ZNF559: variants seen among roughly 807,000 people sequenced by gnomAD.
The protein encoded by ZNF559 is putative protein product of Nbla00121.
ZNF559 carries 17 observed loss-of-function variants against 14.2 expected under a neutral mutation model. The ratio of observed to expected loss-of-function variants is 1.20; its 90% CI spans 0.82 to 1.80. ZNF559 has a LOEUF of 1.80. Ranked by LOEUF, ZNF559 falls within the 40% of genes most tolerant of loss-of-function variation. ZNF559 has a pLI of 0.00. For synonymous variants in ZNF559, 244 were observed against 212.4 expected (o/e 1.15, Z -1.29); for missense variants, 740 against 629.7 (o/e 1.18, Z -1.88).
intron 2 of ZNF559, among the ~76,000 whole-genome samples, chr19:9,326,368 G>A (rs1325729017): frequency 6.6e-6 from 1 of 152,098 alleles, no homozygotes; most frequent in African/African-American, 2.4e-5. Flanking sequence ...GCCTCCCAAA[G>A]TACTGCGTGA....
Position 9,338,479 on chromosome 19 carries a change from TTTC to T in ZNF559, c.-56-6_-56-4del, listed in dbSNP as rs750095375. The T allele has an allele frequency of 2.4e-5, 38 of 1,605,076 alleles. No individual in the cohort carries two copies. The highest frequency in any genetic ancestry group is 1.4e-4 in the South Asian group (13 of 90,720). On this transcript the variant is annotated splice_polypyrimidine_tract_variant and intron_variant, in intron 3 of 6. Coordinates refer to ENST00000603380, the MANE Select transcript of ZNF559 (RefSeq NM_032497.3). Reference sequence around the variant, plus strand: ...CAGCAGCCTGGATTCTCAGATTTTATTTCTTCTTCTTAAGATCATCTTTCTCAA... The same window carrying T: ...CAGCAGCCTGGATTCTCAGATTTTATTTCTTCTTAAGATCATCTTTCTCAA...
In ZNF559 at chr19:9,342,829, A is replaced by G. The variant is rs1487378457; in HGVS notation, c.1378A>G (p.Thr460Ala). 1.3e-5 allele frequency: 21 copies of G among 1,613,934 alleles called. No individual in the cohort carries two copies. Among genetic ancestry groups the G allele is most frequent in the African/African-American group, 2.7e-5 (2 of 74,886 alleles). The stretch of plus-strand genomic sequence containing the variant: ...CCTTAGTCAACATAAAAGAATACAT[A>G]CAGGGGAGAGGCCATATAAATGTCA... ...SHLSQHKRIH[T>A]GERPYKCQKC... The change falls in exon 7 of 7, where the codon ACA (threonine) becomes GCA (alanine). Residue 460 changes from threonine to alanine, a missense_variant. Physicochemically the swap from Thr to Ala is moderately conservative, Grantham distance 58. Coordinates refer to ENST00000603380, the MANE Select transcript of ZNF559 (RefSeq NM_032497.3).
chr19:9,333,746 A>G (rs2067067776), intron 2 of ZNF559, among the ~76,000 whole-genome samples: 1 of 98,488 alleles, frequency 1.0e-5, no homozygotes. Flanking sequence ...TACGTATGTA[A>G]CTGACAAAAA....
At chr19:9,324,570 G>T in intron 1 of ZNF559, 125 bp from the exon 2 acceptor site, 3 of 1,168,522 alleles carry the variant, frequency 2.6e-6, no homozygotes, top group Non-Finnish European at 3.5e-6. Flanking sequence ...TGGGTAGGAG[G>T]ATTACTTGAG....
In ZNF559 at chr19:9,343,606, A is replaced by G. The variant is rs1191920926; in HGVS notation, c.*538A>G. ...TGTTTTTAGCTTCCACTTTGGGAACATGTCAAAGCACACATTGAGAAGTCC... is the reference window on the plus strand; with the variant it reads ...TGTTTTTAGCTTCCACTTTGGGAACGTGTCAAAGCACACATTGAGAAGTCC... On this transcript the variant is annotated 3_prime_UTR_variant, in exon 7 of 7. Transcript: ENST00000603380. The G allele has an allele frequency of 6.1e-6, 6 of 991,154 alleles. No individual in the cohort carries two copies. In the South Asian group the frequency reaches 1.4e-4, roughly 23 times the overall value. 61.4% of individuals were successfully genotyped at this position (991,154 alleles called of 1,614,324 possible).
Position 9,324,627 on chromosome 19 carries a change from C to A in ZNF559, c.-205-68C>A, listed in dbSNP as rs925249584. 4.3e-5 allele frequency: 45 copies of A among 1,053,562 alleles called. No individual in the cohort carries two copies. The Admixed American group carries it at 5.6e-4, about 13-fold the overall frequency. 65.3% of individuals were successfully genotyped at this position (1,053,562 alleles called of 1,614,324 possible). A position where few individuals can be genotyped will look rare whatever the true frequency, so the allele number is the denominator to read the frequency against. On this transcript the variant is annotated intron_variant, in intron 1 of 6. Coordinates refer to ENST00000603380, the MANE Select transcript of ZNF559 (RefSeq NM_032497.3). ...AGGGCAACATAGGGAGACCCCCCCC[C>A]CCAACCATCTCTAATGGAAAAAAAA...
intron 1 of ZNF559, 68 bp from the exon 2 acceptor site, chr19:9,324,627 C>CCT (rs1555726711): frequency 1.9e-6 from 2 of 1,053,558 alleles, no homozygotes; most frequent in Admixed American, 2.5e-5. Flanking sequence ...GACCCCCCCC[C>CCT]CCAACCATCT....
At position 9,324,621 on chromosome 19, in the gene ZNF559, C is replaced by T; in HGVS notation, c.-205-74C>T. The T allele has an allele frequency of 2.1e-6, 2 of 958,900 alleles. 1 individual carries two copies. The highest frequency in any genetic ancestry group is 3.0e-6 in the Non-Finnish European group (2 of 677,050). 59.4% of individuals were successfully genotyped at this position (958,900 alleles called of 1,614,324 possible). ...CCAGGCAGGGCAACATAGGGAGACC[C>T]CCCCCCCCAACCATCTCTAATGGAA... On this transcript the variant is annotated intron_variant, in intron 1 of 6. Transcript: ENST00000603380.
At chr19:9,326,685 T>C (rs1026799978) in intron 2 of ZNF559, among the ~76,000 whole-genome samples, 1 of 152,218 alleles carries the variant, frequency 6.6e-6, no homozygotes, top group East Asian at 1.9e-4. Flanking sequence ...TATCCAGTTA[T>C]CAATATAAGT....
At chr19:9,326,271 G>A (rs527531609) in intron 2 of ZNF559, among the ~76,000 whole-genome samples, 53 of 151,992 alleles carry the variant, frequency 3.5e-4, no homozygotes, top group African/African-American at 1.1e-3. Flanking sequence ...CACCACGCCC[G>A]GCTAATTGTA....
At chr19:9,324,626 C>G (rs1308365429) in intron 1 of ZNF559, 69 bp from the exon 2 acceptor site, 21 of 1,041,208 alleles carry the variant, frequency 2.0e-5, no homozygotes, top group Middle Eastern at 2.2e-4. Context: ...AGACCCCCCC[C>G]CCCAACCATC....
chr19:9,324,346 T>G (rs1364397881), intron 1 of ZNF559, 118 bp downstream of exon 1: 6 of 1,518,828 alleles, frequency 4.0e-6, no homozygotes, highest in Non-Finnish European at 8.8e-7. Context: ...CTTTCGGGCA[T>G]TTCGAGCATC....
At position 9,341,992 on chromosome 19, in the gene ZNF559, CAAGAG is replaced by C; in HGVS notation, c.544_548del (p.Glu182ThrfsTer3). On this transcript the variant is annotated frameshift_variant, in exon 7 of 7. Transcript: ENST00000603380. LOFTEE classifies it low-confidence loss of function (END_TRUNC). ...TCTTGTTTGCAAGAAAACTCACACTCAAGAGAAACCATATAAATGCAGTGACTGTG... is the reference window on the plus strand; with the variant it reads ...TCTTGTTTGCAAGAAAACTCACACTCAAACCATATAAATGCAGTGACTGTG... 6.2e-7 allele frequency: 1 copy of C among 1,612,618 alleles called. No individual in the cohort carries two copies. The highest frequency in any genetic ancestry group is 2.2e-5 in the East Asian group (1 of 44,852).
At position 9,342,546 on chromosome 19, in the gene ZNF559, T is replaced by C. The variant is rs1374899716; in HGVS notation, c.1095T>C (p.Ser365=). The C allele has an allele frequency of 1.2e-6, 2 of 1,613,048 alleles. No individual in the cohort carries two copies. Among genetic ancestry groups the C allele is most frequent in the African/African-American group, 1.3e-5 (1 of 74,630 alleles). Residue 365 remains serine, a synonymous_variant, in exon 7 of 7, where the codon TCT becomes TCC. Coordinates refer to ENST00000603380, the MANE Select transcript of ZNF559 (RefSeq NM_032497.3). The stretch of plus-strand genomic sequence containing the variant: ...AATGTGGGAAAGCTTTTGCTAACTC[T>C]TCACATCTTACTGTACATATGAGAA... ...CKECGKAFAN[S]SHLTVHMRTH...
At chr19:9,327,769 C>T (rs78672213) in intron 2 of ZNF559, among the ~76,000 whole-genome samples, 3,289 of 151,482 alleles carry the variant, frequency 0.022, 117 homozygotes, top group African/African-American at 0.075. Context: ...TCTTTTCATT[C>T]ACTGTATTAT....
chr19:9,341,319 G>C, intron 6 of ZNF559, 135 bp downstream of exon 6: 3 of 871,226 alleles, frequency 3.4e-6, no homozygotes, highest in Non-Finnish European at 5.7e-6. Context: ...TCTGTCTCTT[G>C]GAGAGACTAT....
rs2067655807 is a variant in ZNF559, at chr19:9,343,131, G to A, written c.*63G>A. On this transcript the variant is annotated 3_prime_UTR_variant, in exon 7 of 7. Coordinates refer to ENST00000603380, the MANE Select transcript of ZNF559 (RefSeq NM_032497.3). ...CTACTTCCTCACACTTACTGAACAT[G>A]TACTCATTCATAGTGGCAATGTACA... 1 of 1,546,750 alleles carries A rather than the reference G, an allele frequency of 6.5e-7. No individual in the cohort carries two copies. The highest frequency in any genetic ancestry group is 8.7e-7 in the Non-Finnish European group (1 of 1,153,438).
At position 9,342,892 on chromosome 19, in the gene ZNF559, A is replaced by G; in HGVS notation, c.1441A>G (p.Thr481Ala). The change falls in exon 7 of 7, where the codon ACA (threonine) becomes GCA (alanine). Residue 481 changes from threonine to alanine, a missense_variant. Physicochemically the swap from Thr to Ala is moderately conservative, Grantham distance 58. Transcript: ENST00000603380. ...GQAFSISSGL[T>A]VHMRTHTGER... ...AGCCTTCAGTATCTCATCAGGCCTT[A>G]CAGTACACATGAGAACTCACACTGG... 4 of 1,614,182 alleles carry G rather than the reference A, an allele frequency of 2.5e-6. No homozygotes were observed. In the South Asian group the frequency reaches 3.3e-5, roughly 13 times the overall value.
At chr19:9,337,672 A>G (rs1330399944) in intron 2 of ZNF559, 124 bp from the exon 3 acceptor site, 13 of 573,432 alleles carry the variant, frequency 2.3e-5, no homozygotes, top group Non-Finnish European at 3.4e-5. Flanking sequence ...TTTGATAATT[A>G]TATGAACTTA....
Sources: gnomAD v4.1 joint callset for allele counts (sites outside exome capture counted in the v4.1 genomes callset) on GRCh38, gnomAD v4.1.1 for gene constraint, MANE v1.5 for transcripts, NCBI Gene and HGNC (gene_info 2026-07-23, HGNC 2026-07-21) for gene names.